Variants in FOXH1 observed in about 807,000 individuals in gnomAD.
FOXH1 encodes the protein forkhead box H1, also known as forkhead box protein H1.
A neutral mutation model predicts 14.2 loss-of-function variants in FOXH1; 10 were observed. The ratio of observed to expected loss-of-function variants is 0.70; its 90% confidence interval spans 0.43 to 1.19. The LOEUF is 1.19. FOXH1 is among the 50% of genes most tolerant of loss of function. The pLI is 0.00. For missense variants in FOXH1, 643 were observed against 492.1 expected, an observed-to-expected ratio of 1.31 and a Z score of -2.90; for synonymous variants, 273 against 209.5, an observed-to-expected ratio of 1.30 and a Z score of -2.62.
intron 1 of FOXH1, 22 bp from the exon 2 acceptor site, chr8:144,475,283 C>G: frequency 6.2e-7 from 1 of 1,600,320 alleles, no homozygotes; most frequent in Non-Finnish European, 8.5e-7. Flanking sequence ...AGGCGGCCGG[C>G]CGGCGCCGTG....
At chr8:144,475,524 T>C in intron 1 of FOXH1, 59 bp downstream of exon 1, 1 of 1,343,254 alleles carries the variant, frequency 7.4e-7, no homozygotes, top group South Asian at 1.5e-5. Context: ...GGCTTGAACC[T>C]GGAAGTGGGT....
At position 144,474,531 on chromosome 8, in the gene FOXH1, G is replaced by T; in HGVS notation, c.805C>A (p.His269Asn). ...AVPGGRSSGG[H>N]RASLWGQLPT... ...AGCTGCCCCCAGAGGGAGGCCCTGT[G>T]TCCCCCGCTGGACCGTCCCCCAGGA... The change falls in exon 3 of 3, where the codon CAC becomes AAC. Residue 269 changes from histidine to asparagine, a missense_variant. Physicochemically the swap from His to Asn is moderately conservative, Grantham distance 68 (BLOSUM62 1). Coordinates refer to ENST00000377317, the MANE Select transcript of FOXH1 (RefSeq NM_003923.3). 1.2e-6 allele frequency: 2 copies of T among 1,611,114 alleles called. No homozygotes were observed. Among genetic ancestry groups the T allele is most frequent in the African/African-American group, 1.3e-5 (1 of 75,002 alleles).
In FOXH1 at chr8:144,474,183, G is replaced by A. The variant is rs192907579; in HGVS notation, c.*55C>T. 685 of 1,386,196 alleles carry A rather than the reference G, an allele frequency of 4.9e-4. 6 individuals are homozygous for A. In the East Asian group the frequency reaches 0.016, roughly 32 times the overall value. 85.9% of individuals were successfully genotyped at this position (1,386,196 alleles called of 1,614,324 possible). A position where few individuals can be genotyped will look rare whatever the true frequency, so the allele number is the denominator to read the frequency against. On this transcript the variant is annotated 3_prime_UTR_variant, in exon 3 of 3. Transcript: ENST00000377317. ...GACAGCCGCCTCGCCTTGGCTCCCTGTCAACAAGGTGGGGGTGGGAGCGGG... is the reference window on the plus strand; with the variant it reads ...GACAGCCGCCTCGCCTTGGCTCCCTATCAACAAGGTGGGGGTGGGAGCGGG...
intron 1 of FOXH1, among the ~76,000 whole-genome samples, 155 bp from the exon 2 acceptor site, chr8:144,475,416 C>T (rs531239351): frequency 1.3e-5 from 2 of 152,292 alleles, no homozygotes; most frequent in East Asian, 3.9e-4. Flanking sequence ...GCAGAGAGGG[C>T]AAGGGGCTCC....
At position 144,475,242 on chromosome 8, in the gene FOXH1, G is replaced by A. The variant is rs369059829; in HGVS notation, c.194C>T (p.Ala65Val). The part of the protein sequence containing the change: ...KLAQIIRQVQ[A>V]VFPFFREDYE... ...GTCTTCCCTGAAGAAGGGGAACACG[G>A]CCTGGACCTGACGGATGATCTGAAA... Residue 65 changes from alanine to valine, a missense_variant, in exon 2 of 3, where the codon GCC (alanine) becomes GTC (valine). Transcript: ENST00000377317. The A allele has an allele frequency of 1.1e-5, 18 of 1,613,038 alleles. No homozygotes were observed. Among genetic ancestry groups the A allele is most frequent in the African/African-American group, 1.1e-4 (8 of 74,940 alleles).
At position 144,474,674 on chromosome 8, in the gene FOXH1, G is replaced by C. The variant is rs1192153245; in HGVS notation, c.662C>G (p.Pro221Arg). The change falls in exon 3 of 3, where the codon CCC becomes CGC. Residue 221 changes from proline to arginine, a missense_variant. By Grantham distance (103) the Pro-to-Arg change is moderately radical. Transcript: ENST00000377317. ...SSERPLWPLCPLPGPTRVEGE... is the reference protein window; with the variant it reads ...SSERPLWPLCRLPGPTRVEGE... ...CTCCACTCTCGTGGGGCCAGGAAGG[G>C]GGCAGAGGGGCCACAGAGGCCTCTC... The C allele has an allele frequency of 2.6e-6, 4 of 1,544,794 alleles. No individual in the cohort carries two copies. The highest frequency in any genetic ancestry group is 3.5e-6 in the Non-Finnish European group (4 of 1,144,250).
rs1825071396 is a variant in FOXH1 at position 144,474,355 on chromosome 8, T to A, written c.981A>T (p.Leu327=). Reference sequence around the variant, plus strand: ...GTGGCACCCCTTGGAAGAGGGCGTCTAGATCGCAGAGCAGCCCTGGGGGCC... The same window carrying A: ...GTGGCACCCCTTGGAAGAGGGCGTCAAGATCGCAGAGCAGCCCTGGGGGCC... ...TRGPPGLLCD[L]DALFQGVPPN... Residue 327 remains leucine, a synonymous_variant, in exon 3 of 3, where the codon CTA becomes CTT. Coordinates refer to ENST00000377317, the MANE Select transcript of FOXH1 (RefSeq NM_003923.3). 1 of 1,612,922 alleles carries A rather than the reference T, an allele frequency of 6.2e-7. No individual in the cohort carries two copies. Among genetic ancestry groups the A allele is most frequent in the African/African-American group, 1.3e-5 (1 of 74,934 alleles).
In FOXH1 at chr8:144,475,197, G is replaced by A. The variant is rs1286815259; in HGVS notation, c.239C>T (p.Ser80Phe). ...GTTGGAGGAAAGGTTGTGGCGAATG[G>A]AGTCTTTCCAGCCCTCGTAGTCTTC... ...FREDYEGWKD[S>F]IRHNLSSNRC... Residue 80 changes from serine (S) to phenylalanine (F), a missense_variant, in exon 2 of 3, where the codon TCC becomes TTC. Ser to Phe is a radical substitution (Grantham distance 155). Coordinates refer to ENST00000377317, the MANE Select transcript of FOXH1 (RefSeq NM_003923.3). The A allele has an allele frequency of 1.2e-6, 2 of 1,613,666 alleles. No homozygotes were observed. Among genetic ancestry groups the A allele is most frequent in the South Asian group, 2.2e-5 (2 of 91,078 alleles).
Position 144,473,627 on chromosome 8 carries a change from C to T in FOXH1, c.*611G>A, listed in dbSNP as rs1564751083. ...TCAGGCCACAGGTCTTGGCTTTCTC[C>T]TTATCACCATTTGCTGTTATCACGG... On this transcript the variant is annotated 3_prime_UTR_variant, in exon 3 of 3. Coordinates refer to ENST00000377317, the MANE Select transcript of FOXH1 (RefSeq NM_003923.3). 1.8e-6 allele frequency: 1 copy of T among 555,802 alleles called. No homozygotes were observed. Among genetic ancestry groups the T allele is most frequent in the Non-Finnish European group, 3.0e-6 (1 of 336,290 alleles). 34.4% of individuals were successfully genotyped at this position (555,802 alleles called of 1,614,324 possible).
Position 144,474,738 on chromosome 8 carries a change from C to T in FOXH1, c.598G>A (p.Gly200Arg). ...SPVPAGTGNS[G>R]EEAVPTPPLP... ...GGTGGGGTGGGCACCGCCTCCTCCCCACTGTTCCCTGTGCCTGCAGGAACT... is the reference window on the plus strand; with the variant it reads ...GGTGGGGTGGGCACCGCCTCCTCCCTACTGTTCCCTGTGCCTGCAGGAACT... Residue 200 changes from glycine to arginine, a missense_variant, in exon 3 of 3, where the codon GGG (glycine) becomes AGG (arginine). By Grantham distance (125) the Gly-to-Arg change is moderately radical. Transcript: ENST00000377317. 2 of 1,562,388 alleles carry T rather than the reference C, an allele frequency of 1.3e-6. No individual in the cohort carries two copies. Among genetic ancestry groups the T allele is most frequent in the Non-Finnish European group, 1.7e-6 (2 of 1,152,252 alleles).
chr8:144,475,151 C>T lies in FOXH1; in HGVS notation c.279+6G>A. 1 of 1,612,628 alleles carries T rather than the reference C, an allele frequency of 6.2e-7. No individual in the cohort carries two copies. The highest frequency in any genetic ancestry group is 8.5e-7 in the Non-Finnish European group (1 of 1,179,424). On this transcript the variant is annotated splice_donor_region_variant and intron_variant, in intron 2 of 2. Transcript: ENST00000377317. ...GCCCCCGGGCTCCGACCCTGGCCTG[C>T]CCCACCTTGCGGAAGCATCGGTTGG...
Position 144,474,443 on chromosome 8 carries a change from G to A in FOXH1, c.893C>T (p.Thr298Ile), listed in dbSNP as rs1275707215. 2 of 1,613,022 alleles carry A rather than the reference G, an allele frequency of 1.2e-6. No individual in the cohort carries two copies. Among genetic ancestry groups the A allele is most frequent in the Admixed American group, 1.7e-5 (1 of 60,030 alleles). ...GGTTGACGGACACTGGGGACAGGAG[G>A]TGGGTGGTGGTGCCAAGGGCATTAC... ...NVVMPLAPPP[T>I]SCPQCPSTSP... is the part of the protein sequence containing the mutation. The change falls in exon 3 of 3, where the codon ACC (threonine) becomes ATC (isoleucine). Residue 298 changes from threonine (T) to isoleucine (I), a missense_variant. By Grantham distance (89) the Thr-to-Ile change is moderately conservative. Transcript: ENST00000377317.
chr8:144,474,475 G>A lies in FOXH1; in HGVS notation c.861C>T (p.Pro287=). Residue 287 remains proline (P), a synonymous_variant, in exon 3 of 3, where the codon CCC becomes CCT. Transcript: ENST00000377317. ...GTGGTGCCAAGGGCATTACCACATT[G>A]GGAGTGTAGATAGGCAAGTAGGAGG... ...LPTSYLPIYT[P]NVVMPLAPPP... 6.2e-7 allele frequency: 1 copy of A among 1,612,366 alleles called. No homozygotes were observed. Among genetic ancestry groups the A allele is most frequent in the South Asian group, 1.1e-5 (1 of 91,044 alleles).
Position 144,473,731 on chromosome 8 carries a change from A to G in FOXH1, c.*507T>C, listed in dbSNP as rs950350743. The G allele has an allele frequency of 1.1e-5, 5 of 453,610 alleles. No individual in the cohort carries two copies. The highest frequency in any genetic ancestry group is 7.7e-6 in the Non-Finnish European group (2 of 258,216). 28.1% of individuals were successfully genotyped at this position (453,610 alleles called of 1,614,324 possible). On this transcript the variant is annotated 3_prime_UTR_variant, in exon 3 of 3. Transcript: ENST00000377317. ...TCCTGACCCAAAAATCAGGCATGGCATTAAAACGTTGCAAATTCCTTTACT... is the reference window on the plus strand; with the variant it reads ...TCCTGACCCAAAAATCAGGCATGGCGTTAAAACGTTGCAAATTCCTTTACT...
Position 144,473,715 on chromosome 8 carries a change from A to C in FOXH1, c.*523T>G. The C allele has an allele frequency of 2.2e-6, 1 of 458,474 alleles. No homozygotes were observed. The highest frequency in any genetic ancestry group is 3.8e-6 in the Non-Finnish European group (1 of 261,568). The allele number at this position is 458,474 out of a possible 1,614,324, so 28.4% of individuals were successfully genotyped here. On this transcript the variant is annotated 3_prime_UTR_variant, in exon 3 of 3. Transcript: ENST00000377317. ...TTACCCAAGTCACCACTCCTGACCC[A>C]AAAATCAGGCATGGCATTAAAACGT... is the stretch of plus-strand genomic sequence containing the variant.
In FOXH1 at chr8:144,474,647, C is replaced by T. The variant is rs779697095; in HGVS notation, c.689G>A (p.Gly230Glu). Reference protein sequence around the residue: ...CPLPGPTRVEGETVQGGAIGP... With the variant: ...CPLPGPTRVEEETVQGGAIGP... ...GATGGCTCCCCCCTGCACAGTCTCC[C>T]CCTCCACTCTCGTGGGGCCAGGAAG... The change falls in exon 3 of 3, where the codon GGG (glycine) becomes GAG (glutamate). Residue 230 changes from glycine to glutamate, a missense_variant. Gly to Glu is a moderately conservative substitution (Grantham distance 98). Coordinates refer to ENST00000377317, the MANE Select transcript of FOXH1 (RefSeq NM_003923.3). 1.6e-5 allele frequency: 25 copies of T among 1,566,006 alleles called. No individual in the cohort carries two copies. Among genetic ancestry groups the T allele is most frequent in the Non-Finnish European group, 2.1e-5 (24 of 1,154,652 alleles).
chr8:144,473,533 C>G lies in FOXH1; in HGVS notation c.*705G>C. 7.9e-7 allele frequency: 1 copy of G among 1,273,190 alleles called. No individual in the cohort carries two copies. The highest frequency in any genetic ancestry group is 1.0e-6 in the Non-Finnish European group (1 of 959,514). The allele number at this position is 1,273,190 out of a possible 1,614,324, so 78.9% of individuals were successfully genotyped here. ...TGCCCCTGAGCTCCCAGAGTCACCC[C>G]TCCACCTCCGCAGCCAGTGAAGTGT... On this transcript the variant is annotated 3_prime_UTR_variant, in exon 3 of 3. Transcript: ENST00000377317.
At position 144,474,077 on chromosome 8, in the gene FOXH1, G is replaced by GC; in HGVS notation, c.*160dup. ...GAGGGTTGTGCCCAGCTGGGCCACG[G>GC]CCATGCGTGGGGTGGCCCAATAAAC... is the stretch of plus-strand genomic sequence containing the variant. On this transcript the variant is annotated 3_prime_UTR_variant, in exon 3 of 3. Transcript: ENST00000377317. 1.6e-6 allele frequency: 1 copy of GC among 621,972 alleles called. No homozygotes were observed. Among genetic ancestry groups the GC allele is most frequent in the Non-Finnish European group, 2.8e-6 (1 of 357,564 alleles). 38.5% of individuals were successfully genotyped at this position (621,972 alleles called of 1,614,324 possible).
At chr8:144,475,319 C>T (rs1477610389) in intron 1 of FOXH1, 58 bp from the exon 2 acceptor site, 22 of 1,388,676 alleles carry the variant, frequency 1.6e-5, no homozygotes, top group Non-Finnish European at 2.2e-5. Context: ...GGGGTAGCGC[C>T]CTACCCCTCC....
Sources: gnomAD v4.1 joint callset for allele counts (sites outside exome capture counted in the v4.1 genomes callset) on GRCh38, gnomAD v4.1.1 for gene constraint, MANE v1.5 for transcripts, NCBI Gene and HGNC (gene_info 2026-07-23, HGNC 2026-07-21) for gene names.